Variants in NCKAP1 observed in about 807,000 individuals in gnomAD.
The protein encoded by NCKAP1 is NCK associated protein 1, also known as nck-associated protein 1.
Under a neutral mutation model 151.2 loss-of-function variants are expected in NCKAP1, and 21 were observed. The observed-to-expected ratio is 0.14, with a 90% CI of 0.10 to 0.20. NCKAP1 has a LOEUF of 0.20. Among genes scored for constraint, NCKAP1 ranks in the 10% least tolerant of loss-of-function variants. The pLI, the probability that NCKAP1 is intolerant of heterozygous loss-of-function variation, is 1.00. For synonymous variants in NCKAP1, 484 were observed against 451.8 expected (o/e 1.07, Z -0.90); for missense variants, 933 against 1,352.1 (o/e 0.69, Z 4.86).
At chr2:182,957,988 G>T (rs2105828066) in intron 18 of NCKAP1, among the ~76,000 whole-genome samples, 1 of 152,320 alleles carries the variant, frequency 6.6e-6, no homozygotes. Context: ...GCTGTAGTTA[G>T]AACTACTATG....
At chr2:183,034,605 AAC>A (rs1392408657) in intron 1 of NCKAP1, among the ~76,000 whole-genome samples, 2 of 152,172 alleles carry the variant, frequency 1.3e-5, no homozygotes, top group Non-Finnish European at 2.9e-5. Context: ...AGTTTTGTTG[AAC>A]AGTTATACAA....
chr2:182,930,957 T>A (rs1195611461), intron 26 of NCKAP1, among the ~76,000 whole-genome samples, 169 bp from the exon 27 acceptor site: 1 of 152,104 alleles, frequency 6.6e-6, no homozygotes, highest in Non-Finnish European at 1.5e-5. Context: ...CAATGTAGGT[T>A]GAATACTGTG....
In NCKAP1 at chr2:182,920,313, T is replaced by C. The variant is rs1696530020; in HGVS notation, c.*5389A>G. 1.3e-5 allele frequency: 2 copies of C among 152,162 alleles called. No individual in the cohort carries two copies. Among genetic ancestry groups the C allele is most frequent in the African/African-American group, 2.4e-5 (1 of 41,432 alleles). The allele number at this position is 152,162 out of a possible 1,614,324, so 9.4% of individuals were successfully genotyped here. A position where few individuals can be genotyped will look rare whatever the true frequency, so the allele number is the denominator to read the frequency against. ...CGTAATACTTGCTGTAGAGAATCTC[T>C]TTCTACTCAAGGGAAGATGCTAAAA... On this transcript the variant is annotated 3_prime_UTR_variant, in exon 31 of 31. Coordinates refer to ENST00000361354, the MANE Select transcript of NCKAP1 (RefSeq NM_013436.5).
Position 182,962,250 on chromosome 2 carries a change from G to A in NCKAP1, c.1790C>T (p.Ser597Phe). The A allele has an allele frequency of 1.9e-6, 3 of 1,609,084 alleles. No individual in the cohort carries two copies. Among genetic ancestry groups the A allele is most frequent in the Non-Finnish European group, 2.6e-6 (3 of 1,176,056 alleles). Residue 597 changes from serine to phenylalanine, a missense_variant, in exon 18 of 31, where the codon TCC becomes TTC. Ser to Phe is a radical substitution (Grantham distance 155, BLOSUM62 -2). This residue lies in a region of NCKAP1 where 607 missense variants were observed against 795.0 expected (regional missense o/e 0.76). Coordinates refer to ENST00000361354, the MANE Select transcript of NCKAP1 (RefSeq NM_013436.5). ...ERHHIGDRSL[S>F]LCNMFLDEMA... ...TTCATCTAGGAACATATTACATAAG[G>A]AAAGACTGCGATCTCCAATATGATG...
chr2:182,967,757 T>C (rs536291007), intron 15 of NCKAP1, among the ~76,000 whole-genome samples: 14 of 152,334 alleles, frequency 9.2e-5, no homozygotes, highest in African/African-American at 3.4e-4. Flanking sequence ...GTTGATTCAA[T>C]GAGGTTTTAG....
chr2:182,971,142 C>A (rs2105842545), intron 15 of NCKAP1, among the ~76,000 whole-genome samples: 1 of 152,088 alleles, frequency 6.6e-6, no homozygotes, highest in Middle Eastern at 3.4e-3. Context: ...CGCCTGTAAT[C>A]CCAGCACTTT....
In NCKAP1 at chr2:182,989,166, C is replaced by A. The variant is rs776028101; in HGVS notation, c.811G>T (p.Gly271Trp). The A allele has an allele frequency of 6.3e-7, 1 of 1,595,584 alleles. No individual in the cohort carries two copies. The highest frequency in any genetic ancestry group is 1.8e-5 in the Admixed American group (1 of 54,664). The change falls in exon 9 of 31, where the codon GGG becomes TGG. Residue 271 changes from glycine (G) to tryptophan (W), a missense_variant. This residue lies in a region of NCKAP1 where 607 missense variants were observed against 795.0 expected (regional missense o/e 0.76). Coordinates refer to ENST00000361354, the MANE Select transcript of NCKAP1 (RefSeq NM_013436.5). ...GCTGTAGCGTCAGTATTTAGGATCC[C>A]ATGGCACAAAATAAAGCCAACTTTA... ...WIIFGFILCH[G>W]ILNTDATALN...
chr2:182,923,236 A>G lies in NCKAP1; in HGVS notation c.*2466T>C, dbSNP rs1696579775. On this transcript the variant is annotated 3_prime_UTR_variant, in exon 31 of 31. Coordinates refer to ENST00000361354, the MANE Select transcript of NCKAP1 (RefSeq NM_013436.5). ...TAGATATACATTTATAATAATGAAA[A>G]GAAATTGTCTAAAAATCTATCCAAT... 6.6e-6 allele frequency: 1 copy of G among 152,232 alleles called. No individual in the cohort carries two copies. Among genetic ancestry groups the G allele is most frequent in the African/African-American group, 2.4e-5 (1 of 41,458 alleles). The allele number at this position is 152,232 out of a possible 1,614,324, so 9.4% of individuals were successfully genotyped here.
At chr2:183,006,832 C>G (rs1283023790) in intron 2 of NCKAP1, among the ~76,000 whole-genome samples, 1 of 152,086 alleles carries the variant, frequency 6.6e-6, no homozygotes, top group African/African-American at 2.4e-5. Flanking sequence ...TAGAAAAGTA[C>G]TACTGTGAGA....
chr2:182,978,731 A>T (rs1034206766), intron 14 of NCKAP1, 103 bp downstream of exon 14: 19 of 591,460 alleles, frequency 3.2e-5, no homozygotes, highest in Non-Finnish European at 4.6e-5. Context: ...AAGATAAAAG[A>T]TAATAGATCA....
intron 26 of NCKAP1, among the ~76,000 whole-genome samples, chr2:182,931,455 T>C (rs145731337): frequency 2.0e-5 from 3 of 152,218 alleles, no homozygotes; most frequent in Admixed American, 6.5e-5. Flanking sequence ...ACTGGGAACA[T>C]GGCAGGGATT....
At position 182,918,796 on chromosome 2, in the gene NCKAP1, C is replaced by T. The variant is rs1696506170; in HGVS notation, c.*6906G>A. On this transcript the variant is annotated 3_prime_UTR_variant, in exon 31 of 31. Coordinates refer to ENST00000361354, the MANE Select transcript of NCKAP1 (RefSeq NM_013436.5). ...AGACTTCACCAATGTATGATTCATC[C>T]ATGTAAACAAAAACCCACTGTACCC... 1 of 152,076 alleles carries T rather than the reference C, an allele frequency of 6.6e-6. No homozygotes were observed. Among genetic ancestry groups the T allele is most frequent in the Non-Finnish European group, 1.5e-5 (1 of 68,004 alleles). 9.4% of individuals were successfully genotyped at this position (152,076 alleles called of 1,614,324 possible). A position where few individuals can be genotyped will look rare whatever the true frequency, so the allele number is the denominator to read the frequency against.
intron 23 of NCKAP1, among the ~76,000 whole-genome samples, chr2:182,945,049 A>G (rs1028417525): frequency 4.6e-5 from 7 of 152,178 alleles, no homozygotes; most frequent in African/African-American, 1.4e-4. Flanking sequence ...AGCCTGTCCA[A>G]CATGGTGAAA....
chr2:182,939,258 G>A lies in NCKAP1; in HGVS notation c.2695+2812C>T, dbSNP rs564724767. On this transcript the variant is annotated intron_variant, in intron 24 of 30. Coordinates refer to ENST00000361354, the MANE Select transcript of NCKAP1 (RefSeq NM_013436.5). ...TAAAACTGATAATAAGGCCAGGCAC[G>A]GTGGCTCACGCTTGTAATCCCAACA... is the stretch of plus-strand genomic sequence containing the variant. Among the ~76,000 whole-genome samples, 182 of 152,248 alleles carry A rather than the reference G, an allele frequency of 1.2e-3. 1 individual carries two copies. Among genetic ancestry groups the A allele is most frequent in the Non-Finnish European group, 2.0e-3 (133 of 68,010 alleles).
intron 6 of NCKAP1, among the ~76,000 whole-genome samples, chr2:182,998,153 A>C (rs918844986): frequency 6.6e-6 from 1 of 152,212 alleles, no homozygotes; most frequent in African/African-American, 2.4e-5. Flanking sequence ...TGTTCAACTA[A>C]CTAGGCATCA....
intron 1 of NCKAP1, among the ~76,000 whole-genome samples, chr2:183,034,382 GTTT>G (rs71405501): frequency 2.6e-4 from 38 of 148,006 alleles, no homozygotes; most frequent in East Asian, 1.2e-3. Context: ...AGTTGTATGG[GTTT>G]TTTTTTTTTT....
At chr2:183,035,333 C>T (rs535613673) in intron 1 of NCKAP1, among the ~76,000 whole-genome samples, 1 of 151,570 alleles carries the variant, frequency 6.6e-6, no homozygotes, top group East Asian at 1.9e-4. Flanking sequence ...CCCTAATAAG[C>T]GCCAAAGCAT....
chr2:182,960,761 AC>A (rs1697430116), intron 18 of NCKAP1, among the ~76,000 whole-genome samples: 1 of 152,244 alleles, frequency 6.6e-6, no homozygotes, highest in Non-Finnish European at 1.5e-5. Context: ...GAGCTTCTGC[AC>A]AGCAAAAGAA....
chr2:182,976,834 A>T (rs975806634), intron 15 of NCKAP1, 59 bp downstream of exon 15: 12 of 1,111,254 alleles, frequency 1.1e-5, no homozygotes, highest in Non-Finnish European at 1.5e-5. Context: ...TAGTTGTTAT[A>T]AAATTTTTCA....
Sources: allele counts gnomAD v4.1 joint callset (sites outside exome capture counted in the v4.1 genomes callset), GRCh38; gene constraint gnomAD v4.1.1; regional missense constraint gnomAD v4.1.1; transcripts MANE v1.5; gene names NCBI Gene and HGNC (gene_info 2026-07-23, HGNC 2026-07-21).